The following SCEL variants were observed in gnomAD, a reference collection of about 807,000 sequenced individuals.
The protein encoded by SCEL is sciellin.
A neutral mutation model predicts 117.6 loss-of-function variants in SCEL; 113 were observed. The ratio of observed to expected loss-of-function variants is 0.96; its 90% confidence interval spans 0.83 to 1.12. SCEL has a LOEUF of 1.12. SCEL is among the 50% of genes most tolerant of loss of function. The pLI, the probability that SCEL is intolerant of heterozygous loss-of-function variation, is 0.00. For synonymous variants in SCEL, 270 were observed against 256.2 expected (o/e 1.05, Z -0.51); for missense variants, 785 against 810.8 (o/e 0.97, Z 0.39).
At chr13:77,575,879 C>T (rs1048617247) in intron 9 of SCEL, among the ~76,000 whole-genome samples, 1 of 152,138 alleles carries the variant, frequency 6.6e-6, no homozygotes, top group Non-Finnish European at 1.5e-5. Context: ...CTTGTCAGAA[C>T]ATGTTTTCTT....
Position 77,599,727 on chromosome 13 carries a change from G to T in SCEL, c.896G>T (p.Arg299Leu), listed in dbSNP as rs149394221. 2.5e-6 allele frequency: 4 copies of T among 1,611,286 alleles called. No homozygotes were observed. The highest frequency in any genetic ancestry group is 3.4e-6 in the Non-Finnish European group (4 of 1,177,440). ...GAAAGTCTCATCTATATGAGTACCC[G>T]GACAGATAAAGATGGCAAAGGGTAA... ...SLESLIYMSTRTDKDGKGIQS... is the reference protein window; with the variant it reads ...SLESLIYMSTLTDKDGKGIQS... The change falls in exon 15 of 33, where the codon CGG becomes CTG. Residue 299 changes from arginine (R) to leucine (L), a missense_variant. By Grantham distance (102) the Arg-to-Leu change is moderately radical. Coordinates refer to ENST00000349847, the MANE Select transcript of SCEL (RefSeq NM_144777.3).
chr13:77,642,643 G>T (rs1489637865), intron 31 of SCEL, 63 bp from the exon 32 acceptor site: 1 of 999,440 alleles, frequency 1.0e-6, no homozygotes, highest in Non-Finnish European at 1.5e-6. Flanking sequence ...GATGATGTCT[G>T]TTCCTCTAAT....
chr13:77,623,480 A>C (rs983838264), intron 27 of SCEL: 1 of 152,202 alleles, frequency 6.6e-6, no homozygotes, highest in East Asian at 1.9e-4. Flanking sequence ...TAAATAAATA[A>C]ATAAATAAAT....
At position 77,602,608 on chromosome 13, in the gene SCEL, A is replaced by G. The variant is rs1400381643; in HGVS notation, c.978-46A>G. The G allele has an allele frequency of 2.0e-6, 3 of 1,534,150 alleles. No individual in the cohort carries two copies. The African/African-American group carries it at 4.1e-5, about 21-fold the overall frequency. On this transcript the variant is annotated intron_variant, in intron 16 of 32. Transcript: ENST00000349847. ...TCTTGATTATACAGATTTCAGAGAAAATTGTACTGTAACCTAACTGACAAG... is the reference window on the plus strand; with the variant it reads ...TCTTGATTATACAGATTTCAGAGAAGATTGTACTGTAACCTAACTGACAAG...
chr13:77,625,036 A>G (rs9600901), intron 27 of SCEL, among the ~76,000 whole-genome samples: 76,667 of 152,094 alleles, frequency 0.5, 20,874 homozygotes, highest in Non-Finnish European at 0.61. Context: ...CTATAAAACT[A>G]GCACTCAGTT....
chr13:77,599,505 G>A, intron 14 of SCEL, 117 bp downstream of exon 14: 1 of 917,138 alleles, frequency 1.1e-6, no homozygotes, highest in Admixed American at 2.0e-5. Context: ...CTGGCAGATG[G>A]GGTAGTGCTC....
intron 1 of SCEL, among the ~76,000 whole-genome samples, chr13:77,553,783 G>T (rs934649209): frequency 2.0e-5 from 3 of 151,848 alleles, no homozygotes; most frequent in African/African-American, 7.3e-5. Flanking sequence ...GCAATAATTA[G>T]ACACTTTACA....
At chr13:77,540,264 G>A (rs537346570) in intron 1 of SCEL, among the ~76,000 whole-genome samples, 1 of 152,324 alleles carries the variant, frequency 6.6e-6, no homozygotes, top group Admixed American at 6.5e-5. Flanking sequence ...ACCAGGTACT[G>A]TGATAAGTTT....
At chr13:77,616,716 G>A (rs1028057701) in intron 24 of SCEL, among the ~76,000 whole-genome samples, 4 of 149,078 alleles carry the variant, frequency 2.7e-5, no homozygotes, top group East Asian at 2.0e-4. Flanking sequence ...TCTAAATGAC[G>A]CTCTTTTGGT....
chr13:77,586,186 A>G (rs1208626535), intron 9 of SCEL, among the ~76,000 whole-genome samples: 2 of 152,088 alleles, frequency 1.3e-5, no homozygotes, highest in Non-Finnish European at 2.9e-5. Flanking sequence ...TGATTTCAAA[A>G]TCCATGCAGA....
At chr13:77,561,976 A>G (rs2085005128) in intron 4 of SCEL, among the ~76,000 whole-genome samples, 1 of 151,996 alleles carries the variant, frequency 6.6e-6, no homozygotes, top group Non-Finnish European at 1.5e-5. Flanking sequence ...ATACACTGTC[A>G]TCACCTTAGA....
chr13:77,560,309 G>A (rs1188779910), intron 4 of SCEL, among the ~76,000 whole-genome samples: 1 of 151,398 alleles, frequency 6.6e-6, no homozygotes, highest in Non-Finnish European at 1.5e-5. Flanking sequence ...GTGATGGTGC[G>A]CACCTGTCGT....
chr13:77,643,309 C>T (rs2090648616), intron 32 of SCEL, among the ~76,000 whole-genome samples: 1 of 152,086 alleles, frequency 6.6e-6, no homozygotes, highest in South Asian at 2.1e-4. Flanking sequence ...ATAATTTGCA[C>T]TCTTAATTAG....
At position 77,593,565 on chromosome 13, in the gene SCEL, T is replaced by G. The variant is rs775574640; in HGVS notation, c.744T>G (p.Ser248Arg). The change falls in exon 12 of 33, where the codon AGT (serine) becomes AGG (arginine). Residue 248 changes from serine (S) to arginine (R), a missense_variant. Ser to Arg is a moderately radical substitution (Grantham distance 110). Coordinates refer to ENST00000349847, the MANE Select transcript of SCEL (RefSeq NM_144777.3). Reference protein sequence around the residue: ...IVKVATSLQRSDKGEELDNLI... With the variant: ...IVKVATSLQRRDKGEELDNLI... ...AAGTGGCCACTTCACTTCAGAGAAG[T>G]GACAAAGGGTGAGATCTCAGAGCTT... 1.2e-6 allele frequency: 2 copies of G among 1,612,448 alleles called. No homozygotes were observed. Among genetic ancestry groups the G allele is most frequent in the Non-Finnish European group, 1.7e-6 (2 of 1,178,800 alleles).
chr13:77,587,524 G>T (rs748335241), intron 9 of SCEL, among the ~76,000 whole-genome samples: 2 of 151,790 alleles, frequency 1.3e-5, no homozygotes, highest in African/African-American at 4.8e-5. Context: ...AAATCCACTC[G>T]TATGATTTTT....
chr13:77,589,339 A>C (rs17774740), intron 10 of SCEL, 115 bp downstream of exon 10: 40,846 of 650,932 alleles, frequency 0.063, 1,575 homozygotes, highest in Middle Eastern at 0.096. Flanking sequence ...ACATTCCCTA[A>C]AGAAGCGCCT....
chr13:77,599,840 C>A, intron 15 of SCEL, 92 bp downstream of exon 15: 1 of 900,062 alleles, frequency 1.1e-6, no homozygotes, highest in Non-Finnish European at 1.9e-6. Flanking sequence ...AAGGGTCAGG[C>A]AGGCTGGTGG....
intron 3 of SCEL, 71 bp downstream of exon 3, chr13:77,556,784 G>A (rs2084683461): frequency 2.8e-6 from 3 of 1,077,398 alleles, no homozygotes; most frequent in Non-Finnish European, 4.3e-6. Flanking sequence ...GGAAGCTAAT[G>A]CTCATCTGAA....
intron 16 of SCEL, 152 bp from the exon 17 acceptor site, chr13:77,602,502 A>G: frequency 1.6e-6 from 1 of 643,600 alleles, no homozygotes; most frequent in Non-Finnish European, 2.8e-6. Context: ...GAAATTACTA[A>G]AGGTAAGTTA....
Sources: gnomAD v4.1 joint callset for allele counts (sites outside exome capture counted in the v4.1 genomes callset) on GRCh38, gnomAD v4.1.1 for gene constraint, MANE v1.5 for transcripts, NCBI Gene and HGNC (gene_info 2026-07-23, HGNC 2026-07-21) for gene names.